POLE2: variants seen among roughly 807,000 people sequenced by gnomAD.
POLE2 encodes the protein DNA polymerase epsilon subunit 2.
POLE2 carries 56 observed loss-of-function variants against 79.4 expected under a neutral mutation model. The ratio of observed to expected loss-of-function variants is 0.71; its 90% CI spans 0.57 to 0.88. POLE2 has a LOEUF of 0.88. Among genes scored for constraint, POLE2 ranks in the 40% least tolerant of loss-of-function variants. The pLI is 0.00. For synonymous variants in POLE2, 212 were observed against 214.0 expected (o/e 0.99, Z 0.08); for missense variants, 598 against 638.9 (o/e 0.94, Z 0.69).
chr14:49,672,815 A>G (rs1446993817), intron 5 of POLE2, among the ~76,000 whole-genome samples: 2 of 151,758 alleles, frequency 1.3e-5, no homozygotes, highest in African/African-American at 2.4e-5. Flanking sequence ...TTGTCTTTTT[A>G]TCACTTCTCT....
chr14:49,657,020 G>A (rs1884730435), intron 10 of POLE2, among the ~76,000 whole-genome samples: 1 of 151,712 alleles, frequency 6.6e-6, no homozygotes, highest in Admixed American at 6.6e-5. Flanking sequence ...GGCTGAGGCA[G>A]GAGAATCGCT....
At chr14:49,682,669 C>G (rs1174988448) in intron 2 of POLE2, among the ~76,000 whole-genome samples, 1 of 125,518 alleles carries the variant, frequency 8.0e-6, no homozygotes, top group African/African-American at 3.4e-5. Flanking sequence ...AAAAAAAAGT[C>G]TATTTTCTAC....
intron 10 of POLE2, among the ~76,000 whole-genome samples, chr14:49,658,405 C>A (rs1356061246): frequency 2.0e-5 from 3 of 152,158 alleles, no homozygotes; most frequent in Middle Eastern, 3.2e-3. Flanking sequence ...GAGGCTGAAA[C>A]AAGAAGGCAG....
intron 1 of POLE2, among the ~76,000 whole-genome samples, chr14:49,687,290 T>TAC (rs1475817150): frequency 5.7e-5 from 7 of 123,210 alleles, no homozygotes; most frequent in Admixed American, 9.5e-5. Context: ...TATATATATA[T>TAC]ACACACACAC....
intron 10 of POLE2, among the ~76,000 whole-genome samples, chr14:49,656,280 C>T (rs962986124): frequency 8.7e-5 from 13 of 150,102 alleles, no homozygotes; most frequent in African/African-American, 3.2e-4. Flanking sequence ...GCGTGAACCC[C>T]GGGGGGCGGA....
chr14:49,676,436 C>A (rs1886279007), intron 3 of POLE2, among the ~76,000 whole-genome samples: 1 of 152,196 alleles, frequency 6.6e-6, no homozygotes, highest in South Asian at 2.1e-4. Flanking sequence ...GTAGATCAGT[C>A]TGAGTAAGTT....
intron 10 of POLE2, among the ~76,000 whole-genome samples, chr14:49,658,620 G>C (rs748248038): frequency 2.0e-5 from 3 of 152,126 alleles, no homozygotes; most frequent in Non-Finnish European, 4.4e-5. Context: ...TGGCAATGAC[G>C]GACTGCATAT....
At chr14:49,670,088 G>T (rs1270616838) in intron 5 of POLE2, among the ~76,000 whole-genome samples, 1 of 152,002 alleles carries the variant, frequency 6.6e-6, no homozygotes, top group Non-Finnish European at 1.5e-5. Flanking sequence ...GGTCGAGGAG[G>T]GCGGATCACC....
chr14:49,656,727 C>G (rs994790194), intron 10 of POLE2, among the ~76,000 whole-genome samples: 4 of 152,176 alleles, frequency 2.6e-5, no homozygotes, highest in African/African-American at 4.8e-5. Flanking sequence ...GCAAATACCC[C>G]ATAGGCCTCC....
chr14:49,677,845 G>T, intron 3 of POLE2: 1 of 453,088 alleles, frequency 2.2e-6, no homozygotes, highest in East Asian at 4.0e-5. Flanking sequence ...TCAGTCAGCT[G>T]GAGGTACTGC....
intron 10 of POLE2, among the ~76,000 whole-genome samples, chr14:49,657,882 T>G (rs1180657341): frequency 6.6e-6 from 1 of 152,166 alleles, no homozygotes; most frequent in Non-Finnish European, 1.5e-5. Context: ...TAAAACCAAT[T>G]TATCCTGGTA....
chr14:49,666,404 T>C lies in POLE2; in HGVS notation c.502A>G (p.Ile168Val), dbSNP rs1279243098. 4.2e-6 allele frequency: 6 copies of C among 1,441,026 alleles called. No homozygotes were observed. Among genetic ancestry groups the C allele is most frequent in the Admixed American group, 4.7e-5 (2 of 42,388 alleles). 89.3% of individuals were successfully genotyped at this position (1,441,026 alleles called of 1,614,324 possible). Residue 168 changes from isoleucine to valine, a missense_variant, in exon 7 of 19, where the codon ATA becomes GTA. Coordinates refer to ENST00000216367, the MANE Select transcript of POLE2 (RefSeq NM_002692.4). ...GTTGTACTACCCAATAAGGTTTCTA[T>C]TGTTTTAAGCTAAAATAAAACAAAA... ...ESGSKFQLKT[I>V]ETLLGSTTKI...
At chr14:49,647,266 T>C (rs750422711) in intron 18 of POLE2, 27 bp downstream of exon 18, 13 of 1,206,362 alleles carry the variant, frequency 1.1e-5, no homozygotes, top group Non-Finnish European at 1.5e-5. Flanking sequence ...GAAAGATCTT[T>C]CTTGCTGTGT....
chr14:49,658,358 G>C (rs1167354709), intron 10 of POLE2, among the ~76,000 whole-genome samples: 1 of 152,066 alleles, frequency 6.6e-6, no homozygotes, highest in Non-Finnish European at 1.5e-5. Flanking sequence ...TTACAGGCCT[G>C]AGCCACCGCG....
chr14:49,643,648 A>G lies in POLE2; in HGVS notation c.*4T>C. 1 of 1,408,402 alleles carries G rather than the reference A, an allele frequency of 7.1e-7. No homozygotes were observed. Among genetic ancestry groups the G allele is most frequent in the African/African-American group, 1.4e-5 (1 of 69,406 alleles). The allele number at this position is 1,408,402 out of a possible 1,614,324, so 87.2% of individuals were successfully genotyped here. On this transcript the variant is annotated 3_prime_UTR_variant, in exon 19 of 19. Coordinates refer to ENST00000216367, the MANE Select transcript of POLE2 (RefSeq NM_002692.4). ...GAATTTTCTTCAGATGATCTTTAAG[A>G]ATCTCAAAAGCCTTGAAGTTTGCTG... is the stretch of plus-strand genomic sequence containing the variant.
At position 49,665,161 on chromosome 14, in the gene POLE2, T is replaced by C; in HGVS notation, c.579A>G (p.Gly193=). ...VLGMITQLKE[G]KFFLEDPTGT... Reference sequence around the variant, plus strand: ...CAGTAGGATCTTCCAGAAAAAATTTTCCCTAAAAAAATGAAAATAAATAAA... The same window carrying C: ...CAGTAGGATCTTCCAGAAAAAATTTCCCCTAAAAAAATGAAAATAAATAAA... Residue 193 remains glycine, a splice_region_variant and synonymous_variant, in exon 8 of 19, where the codon GGA becomes GGG. Coordinates refer to ENST00000216367, the MANE Select transcript of POLE2 (RefSeq NM_002692.4). The C allele has an allele frequency of 7.5e-7, 1 of 1,335,764 alleles. No homozygotes were observed. Among genetic ancestry groups the C allele is most frequent in the Non-Finnish European group, 1.1e-6 (1 of 932,482 alleles). The allele number at this position is 1,335,764 out of a possible 1,614,324, so 82.7% of individuals were successfully genotyped here. A position where few individuals can be genotyped will look rare whatever the true frequency, so the allele number is the denominator to read the frequency against.
rs186147660 is a variant in POLE2 at position 49,649,365 on chromosome 14, C to G, written c.1497+900G>C. Among the ~76,000 whole-genome samples the G allele has an allele frequency of 1.9e-3, 284 of 151,036 alleles. 1 individual carries two copies. The South Asian group carries it at 0.024, about 13-fold the overall frequency. ...GTTGCACCATGTTAGCCAGGATGGTCTCGATCTCCTGACCTCGTGATCTGC... is the reference window on the plus strand; with the variant it reads ...GTTGCACCATGTTAGCCAGGATGGTGTCGATCTCCTGACCTCGTGATCTGC... On this transcript the variant is annotated intron_variant, in intron 17 of 18. Coordinates refer to ENST00000216367, the MANE Select transcript of POLE2 (RefSeq NM_002692.4).
chr14:49,663,495 C>T, intron 9 of POLE2, 108 bp from the exon 10 acceptor site: 1 of 581,508 alleles, frequency 1.7e-6, no homozygotes, highest in Non-Finnish European at 2.8e-6. Flanking sequence ...GCCCTGTGAA[C>T]TAATTACAGA....
At chr14:49,685,830 T>A in intron 1 of POLE2, among the ~76,000 whole-genome samples, 1 of 151,740 alleles carries the variant, frequency 6.6e-6, no homozygotes, top group East Asian at 1.9e-4. Flanking sequence ...GGTTTCATCA[T>A]GTTGGTCAGG....
Sources: gnomAD v4.1 joint callset for allele counts (sites outside exome capture counted in the v4.1 genomes callset) on GRCh38, gnomAD v4.1.1 for gene constraint, MANE v1.5 for transcripts, NCBI Gene and HGNC (gene_info 2026-07-23, HGNC 2026-07-21) for gene names.